Variants in LPAR6 observed in about 807,000 individuals in gnomAD.
LPAR6 encodes lysophosphatidic acid receptor 6.
LPAR6 carries 17 observed loss-of-function variants against 22.0 expected under a neutral mutation model. The observed-to-expected ratio is 0.77, with a 90% CI of 0.53 to 1.16. The LOEUF (loss-of-function observed/expected upper bound fraction) is 1.16. Among genes scored for constraint, LPAR6 ranks in the 50% most tolerant of loss-of-function variants. LPAR6 has a pLI of 0.00. For missense variants in LPAR6, 384 were observed against 406.9 expected (o/e 0.94, Z 0.48); for synonymous variants, 136 against 139.8 (o/e 0.97, Z 0.19).
chr13:48,413,870 G>A (rs774710469), upstream of LPAR6, among the ~76,000 whole-genome samples: 1 of 152,000 alleles, frequency 6.6e-6, no homozygotes, highest in African/African-American at 2.4e-5. Flanking sequence ...ATTGAAATAA[G>A]GTTTAGAGAA....
At chr13:48,433,062 A>G (rs1949146530) in intron 1 of LPAR6, among the ~76,000 whole-genome samples, 1 of 152,138 alleles carries the variant, frequency 6.6e-6, no homozygotes, top group Non-Finnish European at 1.5e-5. Context: ...CTGTCATACC[A>G]TAAGTTTCTC....
In LPAR6 at chr13:48,411,586, C is replaced by T; in HGVS notation, c.838G>A (p.Ala280Thr). The change falls in exon 1 of 1, where the codon GCT becomes ACT. Residue 280 changes from alanine to threonine, a missense_variant. Transcript: ENST00000620633. ...GGGTCAAAACAACAGTTGGAAACAG[C>T]AATACAGAGAGTGATTGGGTACATT... ...RTMYPITLCIAVSNCCFDPIV... is the reference protein window; with the variant it reads ...RTMYPITLCITVSNCCFDPIV... 6.2e-7 allele frequency: 1 copy of T among 1,613,150 alleles called. No homozygotes were observed. The highest frequency in any genetic ancestry group is 2.2e-5 in the East Asian group (1 of 44,798).
At chr13:48,437,121 A>G (rs1411864814) in intron 1 of LPAR6, among the ~76,000 whole-genome samples, 1 of 152,132 alleles carries the variant, frequency 6.6e-6, no homozygotes, top group Non-Finnish European at 1.5e-5. Context: ...TATCAATATT[A>G]TTTACCCAGT....
chr13:48,438,559 T>C lies in LPAR6; in HGVS notation c.-1474+5994A>G, dbSNP rs889244911. On this transcript the variant is annotated intron_variant, in intron 1 of 6. Coordinates refer to the LPAR6 transcript ENST00000378434. ...GCTATTTTTTATTTACTTATCTGTT[T>C]TTTTTTTCATTAGACTGTAAACTAT... Among the ~76,000 whole-genome samples the C allele has an allele frequency of 6.6e-5, 10 of 152,076 alleles. No individual in the cohort carries two copies. In the South Asian group the frequency reaches 1.5e-3, roughly 22 times the overall value.
chr13:48,424,113 A>G (rs1478075782), intron 1 of LPAR6: 1 of 152,644 alleles, frequency 6.6e-6, no homozygotes, highest in Non-Finnish European at 1.5e-5. Flanking sequence ...CATTATGATA[A>G]AATTTTCTAT....
downstream of LPAR6, among the ~76,000 whole-genome samples, chr13:48,406,878 A>G (rs1392360966): frequency 6.6e-6 from 1 of 151,812 alleles, no homozygotes; most frequent in East Asian, 1.9e-4. Context: ...ATATAGCAAG[A>G]CCTCATCTTT....
chr13:48,409,869 G>A (rs114618904), downstream of LPAR6, among the ~76,000 whole-genome samples: 7,916 of 151,996 alleles, frequency 0.052, 681 homozygotes, highest in African/African-American at 0.17. Flanking sequence ...GTGAACCACC[G>A]TGCCCGGCCT....
chr13:48,410,358 A>G (rs1302761829), downstream of LPAR6, among the ~76,000 whole-genome samples: 2 of 152,228 alleles, frequency 1.3e-5, no homozygotes, highest in African/African-American at 2.4e-5. Context: ...TTTGTAGCCT[A>G]GAAGCAGTAG....
chr13:48,413,892 CT>C (rs1479862621), upstream of LPAR6, among the ~76,000 whole-genome samples: 2 of 152,152 alleles, frequency 1.3e-5, no homozygotes, highest in Admixed American at 1.3e-4. Flanking sequence ...AAAAATCCTA[CT>C]ACTTGGCAAA....
chr13:48,442,194 A>C (rs1277222121), intron 1 of LPAR6, among the ~76,000 whole-genome samples: 1 of 150,962 alleles, frequency 6.6e-6, no homozygotes, highest in Non-Finnish European at 1.5e-5. Flanking sequence ...TTCTTCCTAC[A>C]GTATGAATTT....
intron 1 of LPAR6, among the ~76,000 whole-genome samples, chr13:48,394,946 G>C (rs1222177879): frequency 6.6e-6 from 1 of 152,206 alleles, no homozygotes; most frequent in East Asian, 1.9e-4. Context: ...TGTGCCTCCT[G>C]ACTGGGAAAC....
chr13:48,419,369 T>C (rs1329676100), intron 2 of LPAR6, among the ~76,000 whole-genome samples: 1 of 152,142 alleles, frequency 6.6e-6, no homozygotes, highest in African/African-American at 2.4e-5. Context: ...CCCAAATCTC[T>C]GGGACACAGC....
In LPAR6 at chr13:48,396,175, G is replaced by A. The variant is rs1469645846; in HGVS notation, n.115-6363C>T. Among the ~76,000 whole-genome samples the A allele has an allele frequency of 3.3e-5, 5 of 152,028 alleles. No homozygotes were observed. The East Asian group carries it at 7.7e-4, about 23-fold the overall frequency. On this transcript the variant is annotated intron_variant and non_coding_transcript_variant, in intron 1 of 1. Transcript: ENST00000462781. ...AAATTTTATATAGAACCTAAAAAGAGCCCATATAGCCGAGACAATCTTAAG... is the reference window on the plus strand; with the variant it reads ...AAATTTTATATAGAACCTAAAAAGAACCCATATAGCCGAGACAATCTTAAG...
upstream of LPAR6, chr13:48,429,637 G>A (rs1949109867): frequency 6.6e-6 from 1 of 151,294 alleles, no homozygotes; most frequent in African/African-American, 2.4e-5. Flanking sequence ...ATTTTCAAAT[G>A]AATACACTTT....
Position 48,411,450 on chromosome 13 carries a change from A to C in LPAR6, c.974T>G (p.Phe325Cys). 1 of 1,613,438 alleles carries C rather than the reference A, an allele frequency of 6.2e-7. No individual in the cohort carries two copies. The highest frequency in any genetic ancestry group is 8.5e-7 in the Non-Finnish European group (1 of 1,179,752). ...TAAGGTCTGTAGGTTATGCTGAATA[A>C]AATTCTCTGCACCATGAACTTCAGA... ...RFSEVHGAEN[F>C]IQHNLQTLKS... Residue 325 changes from phenylalanine to cysteine, a missense_variant, in exon 1 of 1, where the codon TTT becomes TGT. Physicochemically the swap from Phe to Cys is radical, Grantham distance 205. Transcript: ENST00000620633.
At chr13:48,436,948 A>AAAATTT (rs1432753066) in intron 1 of LPAR6, among the ~76,000 whole-genome samples, 2 of 152,164 alleles carry the variant, frequency 1.3e-5, no homozygotes, top group Non-Finnish European at 2.9e-5. Context: ...TTCTACTAGC[A>AAAATTT]CTACTGACTT....
rs977704360 is a variant in LPAR6, at chr13:48,411,512, C to T, written c.912G>A (p.Met304Ile). The T allele has an allele frequency of 6.2e-7, 1 of 1,612,036 alleles. No individual in the cohort carries two copies. The highest frequency in any genetic ancestry group is 8.5e-7 in the Non-Finnish European group (1 of 1,179,320). The change falls in exon 1 of 1, where the codon ATG (methionine) becomes ATA (isoleucine). Residue 304 changes from methionine to isoleucine, a missense_variant. Coordinates refer to ENST00000620633, the MANE Select transcript of LPAR6 (RefSeq NM_001162498.3). ...TSDTIQNSIK[M>I]KNWSVRRSDF... ...CACTTCTCCTGACAGACCAGTTTTT[C>T]ATTTTTATTGAATTCTGAATTGTGT...
intron 1 of LPAR6, among the ~76,000 whole-genome samples, chr13:48,399,289 C>T (rs1427006250): frequency 6.6e-6 from 1 of 151,528 alleles, no homozygotes; most frequent in Admixed American, 6.6e-5. Context: ...ATCTTCTATA[C>T]GAATGCAAAA....
chr13:48,420,412 A>G (rs1212888728), intron 2 of LPAR6, among the ~76,000 whole-genome samples: 2 of 152,238 alleles, frequency 1.3e-5, no homozygotes, highest in Non-Finnish European at 2.9e-5. Flanking sequence ...TATTTATGGC[A>G]GACCCACAGC....
Sources: allele counts gnomAD v4.1 joint callset (sites outside exome capture counted in the v4.1 genomes callset), GRCh38; gene constraint gnomAD v4.1.1; transcripts MANE v1.5; gene names NCBI Gene and HGNC (gene_info 2026-07-23, HGNC 2026-07-21).